The following PDSS1 variants were observed in gnomAD, a reference collection of about 807,000 sequenced individuals.
The protein encoded by PDSS1 is decaprenyl diphosphate synthase subunit 1.
A neutral mutation model predicts 57.5 loss-of-function variants in PDSS1; 43 were observed. The observed-to-expected ratio is 0.75, with a 90% CI of 0.59 to 0.96. The LOEUF is 0.96. Among genes scored for constraint, PDSS1 ranks in the 50% least tolerant of loss-of-function variants. The pLI is 0.00. For synonymous variants in PDSS1, 175 were observed against 191.3 expected (o/e 0.91, Z 0.70); for missense variants, 438 against 527.8 (o/e 0.83, Z 1.67).
intron 1 of PDSS1, among the ~76,000 whole-genome samples, chr10:26,700,164 A>AT (rs35440404): frequency 0.27 from 40,037 of 148,454 alleles, 6,342 homozygotes; most frequent in Middle Eastern, 0.38. Context: ...TATATCTTTG[A>AT]TTTTTTTTTT....
chr10:26,707,834 C>CT (rs1835290526), intron 4 of PDSS1, among the ~76,000 whole-genome samples: 3 of 152,366 alleles, frequency 2.0e-5, no homozygotes, highest in Admixed American at 1.3e-4. Context: ...AGCTGAGACT[C>CT]TACTTTTCCC....
In PDSS1 at chr10:26,735,476, A is replaced by T. The variant is rs764524954; in HGVS notation, c.923A>T (p.Asp308Val). ...TTTTCCTTTTGCCAGCTAATAGATG[A>T]TGTATTGGACTTCACCTCGTGTTCT... ...NVGIAFQLID[D>V]VLDFTSCSDQ... The change falls in exon 10 of 12, where the codon GAT becomes GTT. Residue 308 changes from aspartate (D) to valine (V), a missense_variant. Asp to Val is a radical substitution (Grantham distance 152). This residue lies in a region of PDSS1 where 284 missense variants were observed against 390.7 expected (regional missense o/e 0.73). Coordinates refer to ENST00000376215, the MANE Select transcript of PDSS1 (RefSeq NM_014317.5). 1 of 1,608,778 alleles carries T rather than the reference A, an allele frequency of 6.2e-7. No homozygotes were observed. Among genetic ancestry groups the T allele is most frequent in the Non-Finnish European group, 8.5e-7 (1 of 1,175,116 alleles).
rs1836627771 is a variant in PDSS1, at chr10:26,741,943, C to T, written c.1027-554C>T. Among the ~76,000 whole-genome samples the T allele has an allele frequency of 2.6e-5, 4 of 152,294 alleles. No individual in the cohort carries two copies. In the South Asian group the frequency reaches 8.3e-4, roughly 32 times the overall value. Reference sequence around the variant, plus strand: ...AAGGTAGAGTGCAATGGCGCAATCTCGGCTCACTGCAACCTCCACCTCCCC... The same window carrying T: ...AAGGTAGAGTGCAATGGCGCAATCTTGGCTCACTGCAACCTCCACCTCCCC... On this transcript the variant is annotated intron_variant, in intron 10 of 11. Transcript: ENST00000376215.
chr10:26,739,384 T>C (rs1339883859), intron 10 of PDSS1, among the ~76,000 whole-genome samples: 1 of 152,240 alleles, frequency 6.6e-6, no homozygotes. Flanking sequence ...CTCTTTTCTT[T>C]TCCACATACA....
At chr10:26,700,402 G>A (rs113126881) in intron 1 of PDSS1, among the ~76,000 whole-genome samples, 19 of 152,212 alleles carry the variant, frequency 1.2e-4, no homozygotes, top group African/African-American at 4.1e-4. Flanking sequence ...TCAGGAGTTC[G>A]AGACCAGCCT....
chr10:26,709,376 G>A (rs557177370), intron 4 of PDSS1, among the ~76,000 whole-genome samples: 6 of 152,078 alleles, frequency 3.9e-5, no homozygotes, highest in South Asian at 2.1e-4. Context: ...CCTGGCCAAC[G>A]TGGTGAAATC....
chr10:26,722,398 A>C (rs1475741280), intron 6 of PDSS1, among the ~76,000 whole-genome samples: 1 of 152,188 alleles, frequency 6.6e-6, no homozygotes, highest in East Asian at 1.9e-4. Context: ...CTTTATGACT[A>C]ATTACTACAG....
At chr10:26,727,347 T>C (rs1021162064) in intron 8 of PDSS1, among the ~76,000 whole-genome samples, 5 of 151,544 alleles carry the variant, frequency 3.3e-5, no homozygotes, top group Non-Finnish European at 7.4e-5. Context: ...TCTCTTTTTT[T>C]TTTTTTTTCT....
intron 10 of PDSS1, chr10:26,740,918 G>T: frequency 3.8e-6 from 1 of 264,012 alleles, no homozygotes; most frequent in Non-Finnish European, 7.8e-6. Context: ...TAGTTGCTAA[G>T]TATTGTAGAA....
chr10:26,742,593 T>TA lies in PDSS1; in HGVS notation c.1107+24dup, dbSNP rs536412815. 6.3e-4 allele frequency: 960 copies of TA among 1,532,004 alleles called. 2 individuals carry two copies. Among genetic ancestry groups the TA allele is most frequent in the South Asian group, 1.8e-3 (158 of 89,394 alleles). 94.9% of individuals were successfully genotyped at this position (1,532,004 alleles called of 1,614,324 possible). ...TGTACTACAGGTAAGACTGTTTTTT[T>TA]AAAAAAAAGGCAGCAGCAGGAACAA... is the stretch of plus-strand genomic sequence containing the variant. On this transcript the variant is annotated intron_variant, in intron 11 of 11. Transcript: ENST00000376215.
chr10:26,725,176 AT>A (rs1835911239), intron 8 of PDSS1, among the ~76,000 whole-genome samples: 1 of 152,202 alleles, frequency 6.6e-6, no homozygotes, highest in East Asian at 1.9e-4. Context: ...GACAAATGAC[AT>A]TCCCATGTAA....
At chr10:26,729,573 CTG>C (rs1836092510) in intron 8 of PDSS1, among the ~76,000 whole-genome samples, 1 of 152,146 alleles carries the variant, frequency 6.6e-6, no homozygotes, top group Non-Finnish European at 1.5e-5. Context: ...TTTGCACAAT[CTG>C]AGAATATACC....
intron 5 of PDSS1, among the ~76,000 whole-genome samples, chr10:26,719,688 G>A (rs1835717331): frequency 6.6e-6 from 1 of 152,172 alleles, no homozygotes; most frequent in African/African-American, 2.4e-5. Flanking sequence ...AGAATCACTT[G>A]AACCTGGGAG....
intron 10 of PDSS1, among the ~76,000 whole-genome samples, chr10:26,738,064 T>C (rs1161394649): frequency 6.6e-6 from 1 of 152,206 alleles, no homozygotes; most frequent in Non-Finnish European, 1.5e-5. Context: ...TGCCTTCTAA[T>C]AAAACAGCAA....
At chr10:26,729,551 G>A (rs61626572) in intron 8 of PDSS1, among the ~76,000 whole-genome samples, 29,943 of 151,940 alleles carry the variant, frequency 0.2, 3,276 homozygotes, top group African/African-American at 0.27. Flanking sequence ...CCTCTTCTCC[G>A]CGGTGTATTT....
chr10:26,717,793 AG>A (rs1835641992), intron 5 of PDSS1: 1 of 152,134 alleles, frequency 6.6e-6, no homozygotes, highest in Non-Finnish European at 1.5e-5. Flanking sequence ...AACTAGTAGG[AG>A]GTGTCTAATT....
chr10:26,699,704 T>G (rs1390178473), intron 1 of PDSS1, among the ~76,000 whole-genome samples: 1 of 152,106 alleles, frequency 6.6e-6, no homozygotes, highest in East Asian at 1.9e-4. Context: ...GCCTGACACT[T>G]CTTTTTAAAA....
At chr10:26,729,904 C>CTTTTT (rs71403886) in intron 8 of PDSS1, among the ~76,000 whole-genome samples, 6 of 75,334 alleles carry the variant, frequency 8.0e-5, no homozygotes, top group Non-Finnish European at 1.2e-4. Flanking sequence ...TAGTTGGTTC[C>CTTTTT]TTTTTTTTTT....
intron 8 of PDSS1, among the ~76,000 whole-genome samples, chr10:26,730,615 T>A (rs1836153989): frequency 1.4e-5 from 2 of 145,188 alleles, no homozygotes; most frequent in Admixed American, 7.0e-5. Context: ...TCTAAAAAAA[T>A]AATAATAATA....
Sources: gnomAD v4.1 joint callset for allele counts (sites outside exome capture counted in the v4.1 genomes callset) on GRCh38, gnomAD v4.1.1 for gene constraint, gnomAD v4.1.1 regional missense constraint, MANE v1.5 for transcripts, NCBI Gene and HGNC (gene_info 2026-07-23, HGNC 2026-07-21) for gene names.